MAN2A1: variants seen among roughly 807,000 people sequenced by gnomAD.
The protein encoded by MAN2A1 is alpha-mannosidase 2.
MAN2A1 carries 76 observed loss-of-function variants against 142.6 expected under a neutral mutation model. That is an observed-to-expected ratio of 0.53 (90% CI 0.44 to 0.65). The LOEUF (loss-of-function observed/expected upper bound fraction) is 0.65. MAN2A1 is among the 30% of genes least tolerant of loss of function. The probability of loss-of-function intolerance (pLI) is 0.00; values close to 1 mark genes in which losing one functional copy is unlikely to be tolerated. For synonymous variants in MAN2A1, 559 were observed against 473.2 expected, an observed-to-expected ratio of 1.18 and a Z score of -2.35; for missense variants, 1,311 against 1,365.1, an observed-to-expected ratio of 0.96 and a Z score of 0.62.
At chr5:109,730,338 C>T (rs1055879646) in intron 4 of MAN2A1, among the ~76,000 whole-genome samples, 12 of 151,924 alleles carry the variant, frequency 7.9e-5, no homozygotes, top group Admixed American at 5.2e-4. Flanking sequence ...TATACATATA[C>T]TCCTTAACTC....
chr5:109,717,932 G>C lies in MAN2A1; in HGVS notation c.535+1668G>C, dbSNP rs369106718. On this transcript the variant is annotated intron_variant, in intron 3 of 21. Transcript: ENST00000261483. ...TTTAGGGGATGCATATGAAAAACAC[G>C]TATCTTTGATTACTAGACTCACACT... Among the ~76,000 whole-genome samples, 5 of 152,314 alleles carry C rather than the reference G, an allele frequency of 3.3e-5. No homozygotes were observed. The South Asian group carries it at 1.0e-3, about 32-fold the overall frequency.
rs903189408 is a variant in MAN2A1 at position 109,690,120 on chromosome 5, G to C, written c.-298G>C. On this transcript the variant is annotated 5_prime_UTR_variant, in exon 1 of 22. Coordinates refer to ENST00000261483, the MANE Select transcript of MAN2A1 (RefSeq NM_002372.4). ...GCCTGCCCCGCGCGCCCTGCCGGAGGTCGGCGCTGAGCTTGCGATCAAGTT... is the reference window on the plus strand; with the variant it reads ...GCCTGCCCCGCGCGCCCTGCCGGAGCTCGGCGCTGAGCTTGCGATCAAGTT... 2 of 330,908 alleles carry C rather than the reference G, an allele frequency of 6.0e-6. No individual in the cohort carries two copies. Among genetic ancestry groups the C allele is most frequent in the African/African-American group, 2.2e-5 (1 of 45,290 alleles). 20.5% of individuals were successfully genotyped at this position (330,908 alleles called of 1,614,324 possible). A position where few individuals can be genotyped will look rare whatever the true frequency, so the allele number is the denominator to read the frequency against.
At chr5:109,827,932 C>T (rs1427028982) in intron 16 of MAN2A1, among the ~76,000 whole-genome samples, 2 of 151,954 alleles carry the variant, frequency 1.3e-5, no homozygotes, top group Admixed American at 6.6e-5. Flanking sequence ...AAAGAAACCC[C>T]GTCTCTACTA....
chr5:109,856,949 T>C (rs1755619256), intron 20 of MAN2A1, among the ~76,000 whole-genome samples: 1 of 152,020 alleles, frequency 6.6e-6, no homozygotes, highest in Non-Finnish European at 1.5e-5. Context: ...AAGAGAAATA[T>C]GTAATATGTT....
intron 19 of MAN2A1, among the ~76,000 whole-genome samples, chr5:109,851,532 C>T (rs929994554): frequency 3.9e-5 from 6 of 152,140 alleles, no homozygotes; most frequent in Non-Finnish European, 8.8e-5. Flanking sequence ...CTTGCCTTTT[C>T]ACCATGTGAT....
chr5:109,814,785 CT>C (rs1157599354), intron 12 of MAN2A1, among the ~76,000 whole-genome samples: 4 of 151,976 alleles, frequency 2.6e-5, no homozygotes, highest in Non-Finnish European at 5.9e-5. Context: ...AGTATGAGTA[CT>C]TTTTTTTCAT....
intron 5 of MAN2A1, among the ~76,000 whole-genome samples, chr5:109,764,378 C>CATG (rs1752935604): frequency 6.6e-6 from 1 of 152,096 alleles, no homozygotes; most frequent in South Asian, 2.1e-4. Context: ...CTTGTTCTTG[C>CATG]ATGAAGGCAT....
At chr5:109,759,200 A>T (rs1345484552) in intron 5 of MAN2A1, among the ~76,000 whole-genome samples, 1 of 152,096 alleles carries the variant, frequency 6.6e-6, no homozygotes, top group Non-Finnish European at 1.5e-5. Flanking sequence ...GCAACATGGG[A>T]TGGCTTTCCA....
chr5:109,810,304 T>C (rs1030739476), intron 12 of MAN2A1, among the ~76,000 whole-genome samples: 3 of 152,204 alleles, frequency 2.0e-5, no homozygotes, highest in African/African-American at 7.2e-5. Flanking sequence ...AGAGAGACTC[T>C]AGAAAATATC....
chr5:109,726,131 A>G (rs1355206404), intron 3 of MAN2A1, among the ~76,000 whole-genome samples: 2 of 152,194 alleles, frequency 1.3e-5, no homozygotes, highest in African/African-American at 2.4e-5. Flanking sequence ...CAGAAAGAAA[A>G]AAAGCTGTGA....
At chr5:109,740,000 AG>A (rs1217364039) in intron 4 of MAN2A1, among the ~76,000 whole-genome samples, 1 of 152,190 alleles carries the variant, frequency 6.6e-6, no homozygotes. Flanking sequence ...TGCATTTGCA[AG>A]ACTCTTCCTG....
chr5:109,841,377 T>C lies in MAN2A1; in HGVS notation c.2567-951T>C, dbSNP rs140953516. Among the ~76,000 whole-genome samples the C allele has an allele frequency of 2.9e-3, 440 of 152,300 alleles. 2 individuals are homozygous for C. The highest frequency in any genetic ancestry group is 0.01 in the African/African-American group (424 of 41,558). ...ATCCTCATAGCTTAGCTCCCACATA[T>C]CAGTGAGAACATACAGTGTTTGGTT... On this transcript the variant is annotated intron_variant, in intron 16 of 21. Transcript: ENST00000261483.
chr5:109,845,067 A>C (rs764672588), intron 17 of MAN2A1, among the ~76,000 whole-genome samples: 1 of 152,166 alleles, frequency 6.6e-6, no homozygotes, highest in Non-Finnish European at 1.5e-5. Flanking sequence ...CACTTAATAC[A>C]TGTTAACTAT....
At chr5:109,865,477 A>G (rs1561548921) in intron 21 of MAN2A1, 3 of 288,534 alleles carry the variant, frequency 1.0e-5, no homozygotes, top group Admixed American at 9.4e-5. Flanking sequence ...ATGCTCACAT[A>G]TCATCTAGTT....
At chr5:109,727,114 A>G (rs917269603) in intron 3 of MAN2A1, among the ~76,000 whole-genome samples, 3 of 152,208 alleles carry the variant, frequency 2.0e-5, no homozygotes, top group Non-Finnish European at 4.4e-5. Context: ...CCACATTGCA[A>G]TCTTTATTTC....
chr5:109,725,316 G>A (rs1751713574), intron 3 of MAN2A1, among the ~76,000 whole-genome samples: 1 of 152,178 alleles, frequency 6.6e-6, no homozygotes, highest in Admixed American at 6.6e-5. Flanking sequence ...AGCCTGTGGG[G>A]CAGGCCAGCT....
At chr5:109,799,026 C>G (rs1753942253) in intron 12 of MAN2A1, among the ~76,000 whole-genome samples, 1 of 151,850 alleles carries the variant, frequency 6.6e-6, no homozygotes, top group South Asian at 2.1e-4. Flanking sequence ...CAAATTTGTC[C>G]TCTTCATCTT....
chr5:109,789,406 G>T, intron 11 of MAN2A1, 54 bp from the exon 12 acceptor site: 1 of 999,778 alleles, frequency 1.0e-6, no homozygotes, highest in Non-Finnish European at 1.5e-6. Context: ...CTGGTTTCAG[G>T]ATGAGTCCAT....
chr5:109,842,528 GC>G (rs750723749), intron 17 of MAN2A1, 67 bp downstream of exon 17: 36 of 984,486 alleles, frequency 3.7e-5, no homozygotes, highest in Non-Finnish European at 4.7e-5. Flanking sequence ...TATAACAATG[GC>G]CCAGTTAATT....
Sources: gnomAD v4.1 joint callset for allele counts (sites outside exome capture counted in the v4.1 genomes callset) on GRCh38, gnomAD v4.1.1 for gene constraint, MANE v1.5 for transcripts, NCBI Gene and HGNC (gene_info 2026-07-23, HGNC 2026-07-21) for gene names.